TBC1D1: variants seen among roughly 807,000 people sequenced by gnomAD.
TBC1D1 encodes TBC1 (tre-2/USP6, BUB2, cdc16) domain family, member 1.
TBC1D1 carries 89 observed loss-of-function variants against 125.6 expected under a neutral mutation model. The observed-to-expected ratio is 0.71, with a 90% CI of 0.60 to 0.85. The LOEUF is 0.85. Among genes scored for constraint, TBC1D1 ranks in the 40% least tolerant of loss-of-function variants. The pLI, the probability that TBC1D1 is intolerant of heterozygous loss-of-function variation, is 0.00. For missense variants in TBC1D1, 1,377 were observed against 1,469.2 expected (o/e 0.94, Z 1.03); for synonymous variants, 565 against 564.1 (o/e 1.00, Z -0.02).
intron 8 of TBC1D1, among the ~76,000 whole-genome samples, chr4:38,041,950 G>C (rs1224019345): frequency 1.3e-5 from 2 of 152,146 alleles, no homozygotes; most frequent in East Asian, 1.9e-4. Flanking sequence ...AAGGCAGGTG[G>C]ATCATTTAAG....
intron 2 of TBC1D1, among the ~76,000 whole-genome samples, chr4:37,933,898 C>T (rs532370149): frequency 1.3e-5 from 2 of 152,268 alleles, no homozygotes; most frequent in South Asian, 2.1e-4. Context: ...TCAAGCAGAG[C>T]GTCAGTCTCA....
rs1449096912 is a variant in TBC1D1 at position 38,014,616 on chromosome 4, G to C, written c.525G>C (p.Val175=). 1 of 1,613,286 alleles carries C rather than the reference G, an allele frequency of 6.2e-7. No homozygotes were observed. The highest frequency in any genetic ancestry group is 2.2e-5 in the East Asian group (1 of 44,898). Residue 175 remains valine, a synonymous_variant, in exon 3 of 20, where the codon GTG becomes GTC. Coordinates refer to ENST00000261439, the MANE Select transcript of TBC1D1 (RefSeq NM_015173.4). The surrounding 1 kb of genome is among the most constrained non-coding windows in gnomAD (Gnocchi z 5.1). ...ACACGTTTTCCAAGAAGTTCGAGGT[G>C]CTCTTCTGCGGCCGCGTGACGGTGG...
chr4:37,892,957 T>A (rs13136603), intron 1 of TBC1D1, among the ~76,000 whole-genome samples: 92,524 of 152,100 alleles, frequency 0.61, 29,639 homozygotes, highest in Non-Finnish European at 0.7. Context: ...GATGTACCCC[T>A]ATGCAGAGCC....
chr4:37,939,304 T>G (rs1725044701), intron 2 of TBC1D1, among the ~76,000 whole-genome samples: 1 of 152,226 alleles, frequency 6.6e-6, no homozygotes, highest in African/African-American at 2.4e-5. Context: ...TCATGTGTCT[T>G]TTGGCTGCAT....
rs987089944 is a variant in TBC1D1, at chr4:38,115,604, G to A, written c.2558-106G>A. 1.2e-5 allele frequency: 15 copies of A among 1,208,724 alleles called. No homozygotes were observed. In the Admixed American group the frequency reaches 2.0e-4, roughly 16 times the overall value. 74.9% of individuals were successfully genotyped at this position (1,208,724 alleles called of 1,614,324 possible). Reference sequence around the variant, plus strand: ...AAAGACTGATTGATATTATGATCCAGCTTCTAAAGATTTTGCTGCTTAATC... The same window carrying A: ...AAAGACTGATTGATATTATGATCCAACTTCTAAAGATTTTGCTGCTTAATC... On this transcript the variant is annotated intron_variant, in intron 15 of 19. Coordinates refer to ENST00000261439, the MANE Select transcript of TBC1D1 (RefSeq NM_015173.4).
At position 38,094,090 on chromosome 4, in the gene TBC1D1, A is replaced by G. The variant is rs547447748; in HGVS notation, c.2237-1839A>G. Reference sequence around the variant, plus strand: ...GTTTAAAAATCAAATATTCAGTGCAATTCTTCTAAAATCTCTGCAAGTGTG... The same window carrying G: ...GTTTAAAAATCAAATATTCAGTGCAGTTCTTCTAAAATCTCTGCAAGTGTG... On this transcript the variant is annotated intron_variant, in intron 13 of 19. Coordinates refer to ENST00000261439, the MANE Select transcript of TBC1D1 (RefSeq NM_015173.4). Among the ~76,000 whole-genome samples, 18 of 152,292 alleles carry G rather than the reference A, an allele frequency of 1.2e-4. 1 individual carries two copies. Among genetic ancestry groups the G allele is most frequent in the Admixed American group, 9.2e-4 (14 of 15,298 alleles).
At chr4:38,101,727 T>C (rs1760370075) in intron 14 of TBC1D1, among the ~76,000 whole-genome samples, 1 of 152,130 alleles carries the variant, frequency 6.6e-6, no homozygotes, top group Admixed American at 6.5e-5. Context: ...CCACCTCAGC[T>C]CAGAAACATG....
Position 38,103,048 on chromosome 4 carries a change from A to G in TBC1D1, c.2448A>G (p.Gln816=). Residue 816 remains glutamine (Q), a synonymous_variant, in exon 15 of 20, where the codon CAA becomes CAG. Coordinates refer to ENST00000261439, the MANE Select transcript of TBC1D1 (RefSeq NM_015173.4). The stretch of plus-strand genomic sequence containing the variant: ...AAATCTGGAAATTTCTAGCTGAGCA[A>G]TTCCACCTTAAACACCAGTTTCCCA... 6.2e-7 allele frequency: 1 copy of G among 1,614,190 alleles called. No individual in the cohort carries two copies. Among genetic ancestry groups the G allele is most frequent in the Non-Finnish European group, 8.5e-7 (1 of 1,180,022 alleles).
intron 2 of TBC1D1, among the ~76,000 whole-genome samples, chr4:37,919,931 T>C (rs962138317): frequency 1.4e-4 from 22 of 152,180 alleles, no homozygotes; most frequent in Non-Finnish European, 2.9e-4. Flanking sequence ...GCTAACACGG[T>C]GCAACTCCGT....
At chr4:38,109,758 A>G (rs1761929713) in intron 15 of TBC1D1, among the ~76,000 whole-genome samples, 1 of 152,190 alleles carries the variant, frequency 6.6e-6, no homozygotes, top group Non-Finnish European at 1.5e-5. Context: ...CACACGTTCT[A>G]GTGGGAAGAC....
At chr4:37,925,681 CAAA>C (rs34337656) in intron 2 of TBC1D1, among the ~76,000 whole-genome samples, 179 of 106,572 alleles carry the variant, frequency 1.7e-3, no homozygotes, top group African/African-American at 5.8e-3. Flanking sequence ...GACTCCATCT[CAAA>C]AAAAAAAAAA....
intron 19 of TBC1D1, 110 bp from the exon 22 acceptor site, chr4:38,137,024 CT>C: frequency 6.5e-7 from 1 of 1,545,110 alleles, no homozygotes; most frequent in South Asian, 1.2e-5. Context: ...AGACTCATCC[CT>C]GCTGAAACTC....
At chr4:38,041,759 A>T (rs1174250050) in intron 8 of TBC1D1, among the ~76,000 whole-genome samples, 1 of 152,262 alleles carries the variant, frequency 6.6e-6, no homozygotes, top group Admixed American at 6.5e-5. Context: ...TTATGGACAC[A>T]TACATATAAA....
At chr4:37,960,458 T>A (rs1729759737) in intron 2 of TBC1D1, 1 of 1,613,820 alleles carries the variant, frequency 6.2e-7, no homozygotes, top group Non-Finnish European at 8.5e-7. Context: ...TCTACGTTGA[T>A]AAGGAAATTG....
intron 12 of TBC1D1, among the ~76,000 whole-genome samples, chr4:38,083,393 C>T (rs35491817): frequency 0.15 from 22,347 of 152,084 alleles, 1,760 homozygotes; most frequent in Middle Eastern, 0.2. Flanking sequence ...TAATAATTAC[C>T]TGCACATCTT....
Position 38,116,750 on chromosome 4 carries a change from C to T in TBC1D1, c.2802+796C>T, listed in dbSNP as rs143922257. ...GCCTGTCAGAGGGAAAACTCTGGAT[C>T]CTGCTTCAGGAATATTCCTAAATGT... On this transcript the variant is annotated intron_variant, in intron 16 of 19. Coordinates refer to ENST00000261439, the MANE Select transcript of TBC1D1 (RefSeq NM_015173.4). Among the ~76,000 whole-genome samples the T allele has an allele frequency of 1.8e-3, 278 of 152,300 alleles. 1 individual carries two copies. The highest frequency in any genetic ancestry group is 6.3e-3 in the African/African-American group (262 of 41,560).
chr4:38,051,426 C>A (rs1750526166), intron 11 of TBC1D1, among the ~76,000 whole-genome samples: 1 of 151,790 alleles, frequency 6.6e-6, no homozygotes, highest in African/African-American at 2.4e-5. Flanking sequence ...TTTGTTTATA[C>A]TTTAATTAAA....
At chr4:37,925,587 A>G (rs897280076) in intron 2 of TBC1D1, among the ~76,000 whole-genome samples, 4 of 151,178 alleles carry the variant, frequency 2.6e-5, no homozygotes, top group Admixed American at 6.6e-5. Context: ...ATGGTGAGGC[A>G]CGCCTGTAGT....
At chr4:37,945,544 A>T in intron 2 of TBC1D1, among the ~76,000 whole-genome samples, 1 of 145,918 alleles carries the variant, frequency 6.9e-6, no homozygotes, top group East Asian at 2.0e-4. Context: ...AAAAAAAAAA[A>T]AAAAAAAGCC....
Sources: allele counts gnomAD v4.1 joint callset (sites outside exome capture counted in the v4.1 genomes callset), GRCh38; gene constraint gnomAD v4.1.1; non-coding constraint Gnocchi (gnomAD v3.1); transcripts MANE v1.5; gene names NCBI Gene and HGNC (gene_info 2026-07-23, HGNC 2026-07-21).